The following TRAPPC9 variants were observed in gnomAD, a reference collection of about 807,000 sequenced individuals.
TRAPPC9 encodes the protein IKK2 binding protein.
TRAPPC9 carries 83 observed loss-of-function variants against 124.0 expected under a neutral mutation model. The ratio of observed to expected loss-of-function variants is 0.67; its 90% CI spans 0.56 to 0.80. The LOEUF is 0.80. Among genes scored for constraint, TRAPPC9 ranks in the 30% least tolerant of loss-of-function variants. The probability of loss-of-function intolerance (pLI) is 0.00; values close to 1 mark genes in which losing one functional copy is unlikely to be tolerated. For synonymous variants in TRAPPC9, 638 were observed against 617.5 expected, an observed-to-expected ratio of 1.03 and a Z score of -0.49; for missense variants, 1,302 against 1,508.3, an observed-to-expected ratio of 0.86 and a Z score of 2.27.
intron 17 of TRAPPC9, among the ~76,000 whole-genome samples, chr8:140,212,239 G>T (rs1203253432): frequency 6.6e-6 from 1 of 152,224 alleles, no homozygotes; most frequent in African/African-American, 2.4e-5. Context: ...GCTGGTAGAT[G>T]CATTTCATCA....
intron 15 of TRAPPC9, among the ~76,000 whole-genome samples, chr8:140,261,209 A>T (rs2064399655): frequency 6.6e-6 from 1 of 152,232 alleles, no homozygotes; most frequent in South Asian, 2.1e-4. Context: ...CAGCACTGTG[A>T]TGAGACTTGG....
Position 139,939,652 on chromosome 8 carries a change from T to TG in TRAPPC9, c.2811-29353dup, listed in dbSNP as rs375680609. Among the ~76,000 whole-genome samples, 184 of 152,334 alleles carry TG rather than the reference T, an allele frequency of 1.2e-3. 3 individuals carry two copies. The highest frequency in any genetic ancestry group is 4.0e-3 in the African/African-American group (168 of 41,588). On this transcript the variant is annotated intron_variant, in intron 19 of 22. Transcript: ENST00000438773. Reference sequence around the variant, plus strand: ...CCCGTGTCCCAGGCCACCCCGTCGCTGGGGGCTCTGTGCCTCCCTCTGGTC... The same window carrying TG: ...CCCGTGTCCCAGGCCACCCCGTCGCTGGGGGGCTCTGTGCCTCCCTCTGGTC...
chr8:140,457,798 C>G (rs1326323172), upstream of TRAPPC9: 6 of 1,027,850 alleles, frequency 5.8e-6, no homozygotes, highest in Non-Finnish European at 7.0e-6. Flanking sequence ...GCCTGGGCCC[C>G]CGATCCGTCC....
chr8:139,828,931 G>C (rs539018159), intron 21 of TRAPPC9, among the ~76,000 whole-genome samples: 54 of 152,294 alleles, frequency 3.5e-4, no homozygotes, highest in African/African-American at 1.2e-3. Context: ...ATCAGCTAAA[G>C]ATACCCAACT....
rs572847423 is a variant in TRAPPC9, at chr8:140,109,983, C to T, written c.2557-85904G>A. ...TATGCTCCTCCTGATTTGCTTATAC[C>T]CTCTGCTGTGTTCCAAGAGACAGAC... On this transcript the variant is annotated intron_variant, in intron 17 of 22. Transcript: ENST00000438773. Among the ~76,000 whole-genome samples, 5 of 152,196 alleles carry T rather than the reference C, an allele frequency of 3.3e-5. No individual in the cohort carries two copies. The South Asian group carries it at 1.0e-3, about 32-fold the overall frequency.
At chr8:140,373,863 ATTAGATCGTTTGTT>A (rs1293054573) in intron 7 of TRAPPC9, among the ~76,000 whole-genome samples, 12 of 152,184 alleles carry the variant, frequency 7.9e-5, no homozygotes, top group Non-Finnish European at 5.9e-5. Flanking sequence ...AGTTTTTAAA[ATTAGATCGTTTGTT>A]TTATTACTGA....
At chr8:139,732,772 C>A (rs1412631820) in intron 21 of TRAPPC9, among the ~76,000 whole-genome samples, 1 of 152,184 alleles carries the variant, frequency 6.6e-6, no homozygotes, top group Non-Finnish European at 1.5e-5. Flanking sequence ...GTCAGCCTGT[C>A]CAGGGTGCCT....
chr8:139,824,702 A>G (rs149486764), intron 21 of TRAPPC9, among the ~76,000 whole-genome samples: 210 of 152,258 alleles, frequency 1.4e-3, no homozygotes, highest in Non-Finnish European at 2.6e-3. Flanking sequence ...CTGGGACTAT[A>G]GGCAAGTACC....
At chr8:139,901,450 C>A (rs1055197099) in intron 20 of TRAPPC9, among the ~76,000 whole-genome samples, 2 of 152,190 alleles carry the variant, frequency 1.3e-5, no homozygotes, top group African/African-American at 4.8e-5. Flanking sequence ...AGTGCCCCAG[C>A]GTCTCAGCTG....
intron 5 of TRAPPC9, among the ~76,000 whole-genome samples, chr8:140,415,979 C>A (rs753306504): frequency 6.6e-6 from 1 of 151,918 alleles, no homozygotes; most frequent in Admixed American, 6.6e-5. Flanking sequence ...GAAGAAAGAG[C>A]TCATGTCAAC....
chr8:140,278,074 T>C (rs376778619), intron 14 of TRAPPC9, among the ~76,000 whole-genome samples: 3 of 151,754 alleles, frequency 2.0e-5, no homozygotes, highest in African/African-American at 7.3e-5. Context: ...TCCCCACCCC[T>C]GCACTGGACC....
At chr8:140,124,166 C>G (rs2061038691) in intron 17 of TRAPPC9, among the ~76,000 whole-genome samples, 2 of 152,342 alleles carry the variant, frequency 1.3e-5, no homozygotes, top group East Asian at 3.9e-4. Flanking sequence ...TGGCTTAAAA[C>G]AACACAAACT....
rs1817653429 is a variant in TRAPPC9 at position 139,728,324 on chromosome 8, T to A, written c.*2737A>T. On this transcript the variant is annotated 3_prime_UTR_variant, in exon 23 of 23. Transcript: ENST00000438773. ...GATCAGAAGGGCAGAACCAACTCGC[T>A]CAGCTAGTGAAGTGCAATGGACATG... Among the ~76,000 whole-genome samples the A allele has an allele frequency of 6.6e-6, 1 of 152,176 alleles. No homozygotes were observed. The highest frequency in any genetic ancestry group is 1.5e-5 in the Non-Finnish European group (1 of 68,040).
At chr8:140,403,570 T>C (rs995245514) in intron 6 of TRAPPC9, among the ~76,000 whole-genome samples, 1 of 152,086 alleles carries the variant, frequency 6.6e-6, no homozygotes, top group African/African-American at 2.4e-5. Context: ...TTTTCAAAAA[T>C]AATAGCTAGT....
At chr8:140,218,970 G>GA (rs34324967) in intron 17 of TRAPPC9, among the ~76,000 whole-genome samples, 54 of 147,158 alleles carry the variant, frequency 3.7e-4, no homozygotes, top group South Asian at 8.7e-4. Context: ...CAAATTAAAA[G>GA]AAAAAAAAAA....
chr8:140,238,107 C>T (rs918124132), intron 16 of TRAPPC9, among the ~76,000 whole-genome samples: 6 of 152,204 alleles, frequency 3.9e-5, no homozygotes, highest in Non-Finnish European at 7.3e-5. Context: ...CGGTGAGTCA[C>T]CGCCAGCCTG....
At position 139,730,996 on chromosome 8, in the gene TRAPPC9, G is replaced by T; in HGVS notation, c.*65C>A. ...GCAGTGAAGGCCTTGCTCATTGCAG[G>T]GGGTGTGGGAGGCCAGGCAGGGTCA... On this transcript the variant is annotated 3_prime_UTR_variant, in exon 23 of 23. Transcript: ENST00000438773. 6.3e-7 allele frequency: 1 copy of T among 1,576,642 alleles called. No individual in the cohort carries two copies. The highest frequency in any genetic ancestry group is 2.3e-5 in the East Asian group (1 of 44,100).
At chr8:140,002,844 CAAAAAAAAAAAAAA>C (rs56895763) in intron 18 of TRAPPC9, among the ~76,000 whole-genome samples, 28 of 68,810 alleles carry the variant, frequency 4.1e-4, no homozygotes, top group Middle Eastern at 0.042. Context: ...TTCCACTTAT[CAAAAAAAAAAAAAA>C]AAAAAAAAAG....
chr8:140,032,497 A>T lies in TRAPPC9; in HGVS notation c.2557-8418T>A, dbSNP rs180853003. 4.9e-3 allele frequency among the ~76,000 whole-genome samples: 740 copies of T among 152,250 alleles called. 3 individuals carry two copies. Among genetic ancestry groups the T allele is most frequent in the Non-Finnish European group, 8.1e-3 (552 of 68,018 alleles). On this transcript the variant is annotated intron_variant, in intron 17 of 22. Coordinates refer to ENST00000438773, the MANE Select transcript of TRAPPC9 (RefSeq NM_001160372.4). Reference sequence around the variant, plus strand: ...CCTTTGTATGCCTTATTGTTTGTTAACTTTCACTTAATAGATCCTGAAAAT... The same window carrying T: ...CCTTTGTATGCCTTATTGTTTGTTATCTTTCACTTAATAGATCCTGAAAAT...
Sources: gnomAD v4.1 joint callset for allele counts (sites outside exome capture counted in the v4.1 genomes callset) on GRCh38, gnomAD v4.1.1 for gene constraint, MANE v1.5 for transcripts, NCBI Gene and HGNC (gene_info 2026-07-23, HGNC 2026-07-21) for gene names.